Variants in DLG2 observed in about 807,000 individuals in gnomAD.
DLG2 encodes discs large MAGUK scaffold protein 2.
DLG2 carries 45 observed loss-of-function variants against 132.5 expected under a neutral mutation model. That is an observed-to-expected ratio of 0.34 (90% CI 0.27 to 0.44). DLG2 has a LOEUF of 0.44. DLG2 is among the 20% of genes least tolerant of loss of function. The pLI is 1.00. For synonymous variants in DLG2, 424 were observed against 419.6 expected (o/e 1.01, Z -0.13); for missense variants, 1,045 against 1,196.9 (o/e 0.87, Z 1.87).
At chr11:85,117,559 C>T (rs908850724) in intron 5 of DLG2, among the ~76,000 whole-genome samples, 1 of 147,604 alleles carries the variant, frequency 6.8e-6, no homozygotes, top group Non-Finnish European at 1.5e-5. Context: ...TTATTTCCCT[C>T]TTATGCTCCA....
chr11:83,892,064 C>T (rs1284813239), intron 15 of DLG2, among the ~76,000 whole-genome samples: 1 of 152,194 alleles, frequency 6.6e-6, no homozygotes, highest in Non-Finnish European at 1.5e-5. Flanking sequence ...TCAGTTCCCT[C>T]TGCCCTACTA....
chr11:83,937,893 GA>G (rs2081852316), intron 14 of DLG2, among the ~76,000 whole-genome samples: 1 of 152,172 alleles, frequency 6.6e-6, no homozygotes, highest in African/African-American at 2.4e-5. Flanking sequence ...AACATTTCAA[GA>G]AAGCAATTTG....
chr11:84,508,426 G>C (rs567336484), intron 7 of DLG2, among the ~76,000 whole-genome samples: 2 of 124,592 alleles, frequency 1.6e-5, no homozygotes, highest in Admixed American at 1.7e-4. Flanking sequence ...CTCTTTTTTA[G>C]ACAGAGTCTC....
intron 6 of DLG2, among the ~76,000 whole-genome samples, chr11:84,742,211 G>T (rs1597087539): frequency 6.6e-6 from 1 of 152,126 alleles, no homozygotes; most frequent in Non-Finnish European, 1.5e-5. Context: ...AAAGGGAAGT[G>T]GTATAGACAT....
intron 17 of DLG2, among the ~76,000 whole-genome samples, chr11:83,819,119 G>A (rs1469872469): frequency 6.6e-6 from 1 of 152,020 alleles, no homozygotes; most frequent in Non-Finnish European, 1.5e-5. Context: ...ATGATCACGA[G>A]CCCCATCAAC....
At chr11:83,717,695 G>A (rs1027434185) in intron 18 of DLG2, among the ~76,000 whole-genome samples, 2 of 152,192 alleles carry the variant, frequency 1.3e-5, no homozygotes, top group African/African-American at 4.8e-5. Context: ...TTTTGTTGGT[G>A]AAATATCCTA....
intron 6 of DLG2, chr11:84,545,153 G>T: frequency 1.8e-5 from 8 of 451,200 alleles, no homozygotes; most frequent in South Asian, 1.0e-4. Context: ...CCACTGCCAT[G>T]GCTAATGCTG....
chr11:84,028,341 T>G (rs185751362), intron 11 of DLG2, among the ~76,000 whole-genome samples: 4 of 152,112 alleles, frequency 2.6e-5, no homozygotes, highest in Admixed American at 1.3e-4. Flanking sequence ...ACTAGGTTAT[T>G]AATATGAATT....
intron 22 of DLG2, among the ~76,000 whole-genome samples, chr11:83,483,511 A>G (rs2137457378): frequency 6.6e-6 from 1 of 152,270 alleles, no homozygotes; most frequent in East Asian, 1.9e-4. Flanking sequence ...AGAGCAACTC[A>G]AGGTTTAAAC....
intron 16 of DLG2, among the ~76,000 whole-genome samples, chr11:83,868,597 T>A (rs553254318): frequency 9.9e-4 from 150 of 152,240 alleles, no homozygotes; most frequent in African/African-American, 3.4e-3. Context: ...TTTAATACAT[T>A]CTAAAAATAG....
Position 84,113,782 on chromosome 11 carries a change from G to A in DLG2, c.625-14735C>T, listed in dbSNP as rs144924523. 3.0e-3 allele frequency among the ~76,000 whole-genome samples: 457 copies of A among 152,264 alleles called. 6 individuals carry two copies. The highest frequency in any genetic ancestry group is 0.029 in the South Asian group (142 of 4,820). On this transcript the variant is annotated intron_variant, in intron 9 of 27. Transcript: ENST00000376104. ...AAAGGTTCATTTAAAGTGCAAGATA[G>A]ATGAACGAATTTTAATGTAATGGTA...
intron 3 of DLG2, among the ~76,000 whole-genome samples, chr11:85,526,317 T>C (rs960035999): frequency 2.3e-4 from 35 of 152,072 alleles, no homozygotes. Context: ...AGACACCTTA[T>C]ATAGAGGAAC....
chr11:85,068,230 A>G (rs978167823), intron 6 of DLG2, among the ~76,000 whole-genome samples: 1 of 152,122 alleles, frequency 6.6e-6, no homozygotes, highest in Non-Finnish European at 1.5e-5. Flanking sequence ...ATTCCCTTTG[A>G]AAACTGGCAC....
chr11:83,789,061 C>T (rs181065682), intron 17 of DLG2, among the ~76,000 whole-genome samples: 47 of 152,216 alleles, frequency 3.1e-4, no homozygotes, highest in Non-Finnish European at 5.4e-4. Flanking sequence ...ACGAAGGCAA[C>T]AGAAAAGCTC....
At chr11:83,848,150 G>A (rs1201038649) in intron 16 of DLG2, among the ~76,000 whole-genome samples, 1 of 141,622 alleles carries the variant, frequency 7.1e-6, no homozygotes, top group Non-Finnish European at 1.5e-5. Flanking sequence ...TTTAATCACG[G>A]CATCTTGTAA....
chr11:83,538,334 C>T (rs2141336371), intron 20 of DLG2, among the ~76,000 whole-genome samples: 1 of 152,306 alleles, frequency 6.6e-6, no homozygotes, highest in East Asian at 1.9e-4. Flanking sequence ...AAGACCCTGC[C>T]ACCAGACTTG....
chr11:85,405,722 C>A (rs1467461462), intron 3 of DLG2, among the ~76,000 whole-genome samples: 1 of 151,906 alleles, frequency 6.6e-6, no homozygotes, highest in African/African-American at 2.4e-5. Context: ...GTAGTAGGTT[C>A]TAACACAATT....
chr11:84,237,090 G>A (rs1419639038), intron 8 of DLG2, among the ~76,000 whole-genome samples: 2 of 151,796 alleles, frequency 1.3e-5, no homozygotes, highest in African/African-American at 4.8e-5. Context: ...CACCACCCCC[G>A]GCTAATTTTT....
chr11:85,223,159 T>C (rs974183777), intron 4 of DLG2, among the ~76,000 whole-genome samples: 1 of 152,154 alleles, frequency 6.6e-6, no homozygotes, highest in East Asian at 1.9e-4. Flanking sequence ...GTATAATCTA[T>C]TAAAAGTAGC....
Sources: allele counts gnomAD v4.1 joint callset (sites outside exome capture counted in the v4.1 genomes callset), GRCh38; gene constraint gnomAD v4.1.1; transcripts MANE v1.5; gene names NCBI Gene and HGNC (gene_info 2026-07-23, HGNC 2026-07-21).